The following C7orf78 variants were observed in gnomAD, a reference collection of about 807,000 sequenced individuals.
C7orf78 encodes the protein chromosome 7 open reading frame 78, also known as putative uncharacterized protein C7orf78.
chr7:12,535,907 G>T, the C7orf78 span, among the ~76,000 whole-genome samples: 42 of 152,224 alleles, frequency 2.8e-4, no homozygotes, highest in African/African-American at 9.2e-4. Flanking sequence ...GACACAAGAG[G>T]TGAGTTCCCA....
At chr7:12,488,622 T>C in the C7orf78 span, among the ~76,000 whole-genome samples, 1 of 151,926 alleles carries the variant, frequency 6.6e-6, no homozygotes, top group Non-Finnish European at 1.5e-5. Flanking sequence ...TATGGCCAGC[T>C]GCACCTTTAT....
the C7orf78 span, among the ~76,000 whole-genome samples, chr7:12,485,037 G>A: frequency 2.6e-5 from 4 of 152,142 alleles, no homozygotes; most frequent in Admixed American, 2.6e-4. Flanking sequence ...TAATAAAGAT[G>A]AATTTTTGAA....
the C7orf78 span, among the ~76,000 whole-genome samples, chr7:12,529,854 G>A: frequency 6.6e-6 from 1 of 152,224 alleles, no homozygotes; most frequent in Non-Finnish European, 1.5e-5. Flanking sequence ...ACTGCTCCTC[G>A]CGAAGCAGGA....
the C7orf78 span, among the ~76,000 whole-genome samples, chr7:12,518,550 T>G: frequency 6.6e-6 from 1 of 152,026 alleles, no homozygotes; most frequent in Admixed American, 6.6e-5. Flanking sequence ...AGATGGCACA[T>G]GTGAGTGTGT....
the C7orf78 span, among the ~76,000 whole-genome samples, chr7:12,490,407 T>G: frequency 4.6e-5 from 7 of 152,172 alleles, no homozygotes; most frequent in Admixed American, 3.9e-4. Context: ...GCACTACTTT[T>G]ATAACTCTGG....
chr7:12,521,644 C>CCTT, the C7orf78 span, among the ~76,000 whole-genome samples: 1 of 124,796 alleles, frequency 8.0e-6, no homozygotes, highest in East Asian at 2.4e-4. Flanking sequence ...TGGGTTTGGG[C>CCTT]TTTTTTTTTT....
the C7orf78 span, among the ~76,000 whole-genome samples, chr7:12,492,376 T>C: frequency 6.6e-6 from 1 of 152,228 alleles, no homozygotes; most frequent in East Asian, 1.9e-4. Context: ...AGTTCAAGAA[T>C]TGAAACAATA....
At chr7:12,498,158 A>G in the C7orf78 span, among the ~76,000 whole-genome samples, 1 of 151,950 alleles carries the variant, frequency 6.6e-6, no homozygotes, top group Non-Finnish European at 1.5e-5. Context: ...AAAACTGGAA[A>G]CTCTAAAAAG....
At chr7:12,540,195 C>A in the C7orf78 span, among the ~76,000 whole-genome samples, 1 of 152,266 alleles carries the variant, frequency 6.6e-6, no homozygotes, top group Admixed American at 6.5e-5. Context: ...TCCTCCATTT[C>A]AAGGCAACAG....
the C7orf78 span, among the ~76,000 whole-genome samples, chr7:12,506,229 C>T: frequency 1.2e-4 from 19 of 152,220 alleles, no homozygotes; most frequent in South Asian, 2.5e-3. Flanking sequence ...TGGAAGACAG[C>T]GTGGCGATTC....
chr7:12,512,121 G>GAGACA, the C7orf78 span, among the ~76,000 whole-genome samples: 1 of 151,412 alleles, frequency 6.6e-6, no homozygotes, highest in South Asian at 2.1e-4. Flanking sequence ...GAGACTTTTG[G>GAGACA]TTTTTCTAAA....
At chr7:12,516,081 T>C in the C7orf78 span, among the ~76,000 whole-genome samples, 1 of 152,168 alleles carries the variant, frequency 6.6e-6, no homozygotes, top group Non-Finnish European at 1.5e-5. Flanking sequence ...CTCTAGGGTA[T>C]GTCAGATGTC....
the C7orf78 span, among the ~76,000 whole-genome samples, chr7:12,505,110 TGTTTTTTGTATTG>T: frequency 4.6e-5 from 7 of 152,086 alleles, no homozygotes; most frequent in African/African-American, 1.4e-4. Context: ...TTCAAAAGAA[TGTTTTTTGTATTG>T]TCACTATTAT....
At chr7:12,503,531 A>AT in the C7orf78 span, among the ~76,000 whole-genome samples, 1 of 152,012 alleles carries the variant, frequency 6.6e-6, no homozygotes, top group Admixed American at 6.6e-5. Context: ...ATAAAAGGTA[A>AT]TTTTTTAAAC....
chr7:12,537,807 G>C, the C7orf78 span, among the ~76,000 whole-genome samples: 1 of 152,086 alleles, frequency 6.6e-6, no homozygotes, highest in Non-Finnish European at 1.5e-5. Flanking sequence ...ATACAGCAAA[G>C]AAAATGAACA....
chr7:12,503,695 G>T, the C7orf78 span, among the ~76,000 whole-genome samples: 1 of 151,942 alleles, frequency 6.6e-6, no homozygotes, highest in Non-Finnish European at 1.5e-5. Flanking sequence ...TGCCATGTTG[G>T]TGTGCTGCAC....
At chr7:12,497,574 G>C in the C7orf78 span, among the ~76,000 whole-genome samples, 1 of 152,176 alleles carries the variant, frequency 6.6e-6, no homozygotes, top group Non-Finnish European at 1.5e-5. Context: ...CACCCGGCTC[G>C]GAGGGTCCTA....
the C7orf78 span, chr7:12,525,790 A>C: frequency 2.5e-6 from 1 of 396,436 alleles, no homozygotes; most frequent in Non-Finnish European, 4.5e-6. Context: ...ATGTATTAAT[A>C]ATATTGCAAT....
the C7orf78 span, chr7:12,486,853 AC>A: frequency 2.0e-5 from 3 of 151,904 alleles, no homozygotes; most frequent in African/African-American, 7.2e-5. Context: ...GAATAAAACT[AC>A]TTTTCTAATA....
Sources: gnomAD v4.1 joint callset for allele counts (sites outside exome capture counted in the v4.1 genomes callset) on GRCh38, gnomAD v4.1.1 for gene constraint, MANE v1.5 for transcripts, NCBI Gene and HGNC (gene_info 2026-07-23, HGNC 2026-07-21) for gene names.